Variants in CSMD3 observed in about 807,000 individuals in gnomAD.
CSMD3 encodes CUB and sushi domain-containing protein 3.
A neutral mutation model predicts 435.2 loss-of-function variants in CSMD3; 177 were observed. The ratio of observed to expected loss-of-function variants is 0.41; its 90% CI spans 0.36 to 0.46. The LOEUF (loss-of-function observed/expected upper bound fraction) is 0.46. Among genes scored for constraint, CSMD3 ranks in the 20% least tolerant of loss-of-function variants. CSMD3 has a pLI of 0.34. For synonymous variants in CSMD3, 1,656 were observed against 1,520.5 expected (o/e 1.09, Z -2.07); for missense variants, 4,265 against 4,504.6 (o/e 0.95, Z 1.52).
At position 112,906,155 on chromosome 8, in the gene CSMD3, C is replaced by T. The variant is rs1326594449; in HGVS notation, c.1633+15472G>A. On this transcript the variant is annotated intron_variant, in intron 10 of 70. Coordinates refer to ENST00000297405, the MANE Select transcript of CSMD3 (RefSeq NM_198123.2). ...AAGAAACATTTCTTCTTTAAGACAC[C>T]GAATCTATGGCTATTTAGTATAGAA... 3.3e-5 allele frequency among the ~76,000 whole-genome samples: 5 copies of T among 151,290 alleles called. No individual in the cohort carries two copies. In the East Asian group the frequency reaches 5.9e-4, roughly 18 times the overall value.
At chr8:113,175,309 C>A (rs2092331481) in intron 3 of CSMD3, among the ~76,000 whole-genome samples, 1 of 151,674 alleles carries the variant, frequency 6.6e-6, no homozygotes, top group African/African-American at 2.4e-5. Flanking sequence ...GAGCACAGGA[C>A]ATCCATATAT....
intron 4 of CSMD3, 78 bp downstream of exon 4, chr8:113,173,644 G>A: frequency 8.5e-7 from 1 of 1,170,676 alleles, no homozygotes. Context: ...AGATTCCGTA[G>A]AAGAAACAGG....
rs768306984 is a variant in CSMD3 at position 112,506,722 on chromosome 8, C to T, written c.4864G>A (p.Ala1622Thr). 18 of 1,613,612 alleles carry T rather than the reference C, an allele frequency of 1.1e-5. No homozygotes were observed. The Admixed American group carries it at 3.0e-4, about 27-fold the overall frequency. ...RDCDWTITVN[A>T]DYVISLAFIS... The stretch of plus-strand genomic sequence containing the variant: ...AACGCCAAGGAGATAACATAGTCTG[C>T]ATTGACGGTGATAGTCCAGTCACAG... Residue 1622 changes from alanine (A) to threonine (T), a missense_variant, in exon 29 of 71, where the codon GCA becomes ACA. Ala to Thr is a moderately conservative substitution (Grantham distance 58). This residue lies in a region of CSMD3 where 3,255 missense variants were observed against 3,380.2 expected (regional missense o/e 0.96). Transcript: ENST00000297405.
chr8:112,599,091 C>T (rs78625357), intron 22 of CSMD3, among the ~76,000 whole-genome samples: 2 of 146,448 alleles, frequency 1.4e-5, no homozygotes. Context: ...CAACCTACAA[C>T]ATGGGAGAAA....
Position 113,247,699 on chromosome 8 carries a change from GAATT to G in CSMD3, c.514+30889_514+30892del, listed in dbSNP as rs1238369662. Among the ~76,000 whole-genome samples the G allele has an allele frequency of 3.3e-5, 5 of 152,118 alleles. No individual in the cohort carries two copies. The East Asian group carries it at 9.6e-4, about 29-fold the overall frequency. On this transcript the variant is annotated intron_variant, in intron 3 of 70. Coordinates refer to ENST00000297405, the MANE Select transcript of CSMD3 (RefSeq NM_198123.2). ...TCATAAATTTCAAAGTTACTACATA[GAATT>G]AATTGTTACCTTCCAGTTTAAAGAC...
intron 3 of CSMD3, among the ~76,000 whole-genome samples, chr8:113,179,681 A>C (rs569691385): frequency 6.6e-6 from 1 of 151,956 alleles, no homozygotes; most frequent in South Asian, 2.1e-4. Context: ...AAATCCAGAT[A>C]ATTTTCAAAA....
intron 1 of CSMD3, among the ~76,000 whole-genome samples, chr8:113,370,412 G>GT (rs113514823): frequency 0.036 from 5,193 of 144,480 alleles, 108 homozygotes; most frequent in Admixed American, 0.044. Context: ...TTGTGATTAG[G>GT]TTTTTTTTTT....
intron 47 of CSMD3, among the ~76,000 whole-genome samples, chr8:112,316,882 A>T (rs1380419056): frequency 6.6e-6 from 1 of 151,944 alleles, no homozygotes; most frequent in Non-Finnish European, 1.5e-5. Flanking sequence ...CATCTAGAGA[A>T]GAAGAGAGAA....
intron 32 of CSMD3, among the ~76,000 whole-genome samples, chr8:112,471,071 T>C (rs1818474861): frequency 1.3e-5 from 2 of 152,198 alleles, no homozygotes; most frequent in Admixed American, 6.6e-5. Context: ...TAGTACTTTT[T>C]CTTTCTCTTT....
At chr8:112,548,445 C>A (rs1410316900) in intron 27 of CSMD3, among the ~76,000 whole-genome samples, 1 of 152,076 alleles carries the variant, frequency 6.6e-6, no homozygotes, top group Non-Finnish European at 1.5e-5. Context: ...AACTACTAAG[C>A]ATTTAGTATG....
chr8:112,624,919 C>A (rs891959153), intron 22 of CSMD3, among the ~76,000 whole-genome samples: 6 of 151,568 alleles, frequency 4.0e-5, no homozygotes, highest in Non-Finnish European at 7.4e-5. Context: ...CTGCTTGTTT[C>A]TTTTTAGGTA....
intron 32 of CSMD3, among the ~76,000 whole-genome samples, chr8:112,417,697 T>C (rs894474841): frequency 6.6e-6 from 1 of 152,082 alleles, no homozygotes; most frequent in Non-Finnish European, 1.5e-5. Flanking sequence ...ATTCTATCCT[T>C]TTGGATGAAA....
At chr8:113,169,538 T>C (rs904940983) in intron 4 of CSMD3, among the ~76,000 whole-genome samples, 4 of 152,162 alleles carry the variant, frequency 2.6e-5, no homozygotes, top group Non-Finnish European at 4.4e-5. Flanking sequence ...ACCACTCTTT[T>C]AAAATTTTCT....
intron 11 of CSMD3, among the ~76,000 whole-genome samples, chr8:112,852,001 C>A (rs576195242): frequency 6.6e-6 from 1 of 151,954 alleles, no homozygotes; most frequent in Admixed American, 6.6e-5. Context: ...GTCAACAGAG[C>A]AGTGAGGGAG....
At chr8:113,283,616 T>C (rs1049116447) in intron 2 of CSMD3, among the ~76,000 whole-genome samples, 2 of 152,144 alleles carry the variant, frequency 1.3e-5, no homozygotes, top group African/African-American at 2.4e-5. Context: ...AGAGAACACG[T>C]CTACACTACT....
At chr8:113,196,755 C>T (rs1028519615) in intron 3 of CSMD3, among the ~76,000 whole-genome samples, 1 of 151,186 alleles carries the variant, frequency 6.6e-6, no homozygotes, top group East Asian at 1.9e-4. Flanking sequence ...AGAAATTTAT[C>T]ATGGCGTTTT....
intron 21 of CSMD3, among the ~76,000 whole-genome samples, chr8:112,637,752 G>A (rs1284936417): frequency 6.6e-6 from 1 of 151,976 alleles, no homozygotes; most frequent in African/African-American, 2.4e-5. Context: ...ATTGCTTCAT[G>A]TTGATTAGCT....
chr8:113,063,404 C>A (rs1469221319), intron 5 of CSMD3, among the ~76,000 whole-genome samples: 1 of 151,892 alleles, frequency 6.6e-6, no homozygotes, highest in Non-Finnish European at 1.5e-5. Flanking sequence ...AAAACAGATA[C>A]TACATTTTAT....
intron 32 of CSMD3, among the ~76,000 whole-genome samples, chr8:112,422,863 T>C (rs1812664795): frequency 6.6e-6 from 1 of 152,102 alleles, no homozygotes; most frequent in Non-Finnish European, 1.5e-5. Flanking sequence ...TAGAAACAAA[T>C]AAGAAAACTT....
Sources: allele counts gnomAD v4.1 joint callset (sites outside exome capture counted in the v4.1 genomes callset), GRCh38; gene constraint gnomAD v4.1.1; regional missense constraint gnomAD v4.1.1; transcripts MANE v1.5; gene names NCBI Gene and HGNC (gene_info 2026-07-23, HGNC 2026-07-21).